GALNT13: variants seen among roughly 807,000 people sequenced by gnomAD.
GALNT13 encodes UDP-GalNAc:polypeptide N-acetylgalactosaminyltransferase 13.
GALNT13 carries 28 observed loss-of-function variants against 64.2 expected under a neutral mutation model. The ratio of observed to expected loss-of-function variants is 0.44; its 90% CI spans 0.32 to 0.60. The LOEUF is 0.60. Among genes scored for constraint, GALNT13 ranks in the 20% least tolerant of loss-of-function variants. The pLI, the probability that GALNT13 is intolerant of heterozygous loss-of-function variation, is 0.05. For synonymous variants in GALNT13, 214 were observed against 224.6 expected (o/e 0.95, Z 0.42); for missense variants, 577 against 669.8 (o/e 0.86, Z 1.53).
chr2:154,160,281 C>T (rs764508438), intron 4 of GALNT13, among the ~76,000 whole-genome samples: 39 of 152,072 alleles, frequency 2.6e-4, no homozygotes, highest in Non-Finnish European at 5.6e-4. Flanking sequence ...CTGTAAAATT[C>T]CCAGCAGACC....
the GALNT13 span, among the ~76,000 whole-genome samples, chr2:153,289,519 G>T: frequency 6.6e-6 from 1 of 152,184 alleles, no homozygotes; most frequent in African/African-American, 2.4e-5. Flanking sequence ...CAGAGCTAAT[G>T]TTCCTTTCAC....
rs184890191 is a variant in GALNT13 at position 154,412,343 on chromosome 2, C to T, written c.1395+3261C>T. Among the ~76,000 whole-genome samples, 389 of 151,736 alleles carry T rather than the reference C, an allele frequency of 2.6e-3. 1 individual carries two copies. Among genetic ancestry groups the T allele is most frequent in the Non-Finnish European group, 3.8e-3 (260 of 67,698 alleles). On this transcript the variant is annotated intron_variant, in intron 11 of 12. Coordinates refer to ENST00000392825, the MANE Select transcript of GALNT13 (RefSeq NM_052917.4). ...AAAAAACAGATTTTAGAATTTTATTCTCAGAATTACCCTCCCTGGTTTTAT... is the reference window on the plus strand; with the variant it reads ...AAAAAACAGATTTTAGAATTTTATTTTCAGAATTACCCTCCCTGGTTTTAT...
chr2:153,456,805 G>A, the GALNT13 span, among the ~76,000 whole-genome samples: 6 of 152,174 alleles, frequency 3.9e-5, no homozygotes, highest in Non-Finnish European at 5.9e-5. Flanking sequence ...AGGCTATCTC[G>A]CCTCAGAGCC....
the GALNT13 span, among the ~76,000 whole-genome samples, chr2:153,261,304 A>T: frequency 1.7e-4 from 26 of 152,188 alleles, no homozygotes; most frequent in South Asian, 5.0e-3. Context: ...TTAGGTATTT[A>T]TTGTAGTATT....
At chr2:153,677,784 G>T in the GALNT13 span, among the ~76,000 whole-genome samples, 1 of 152,044 alleles carries the variant, frequency 6.6e-6, no homozygotes, top group Non-Finnish European at 1.5e-5. Flanking sequence ...AATGGGGAAA[G>T]GACTTCCTAT....
At chr2:153,124,555 G>A in the GALNT13 span, among the ~76,000 whole-genome samples, 57 of 152,292 alleles carry the variant, frequency 3.7e-4, no homozygotes, top group South Asian at 8.3e-4. Flanking sequence ...CACCAGGCTG[G>A]AGTGCAGTGG....
chr2:154,437,335 C>G (rs1701029918), intron 11 of GALNT13: 1 of 239,332 alleles, frequency 4.2e-6, no homozygotes, highest in South Asian at 4.2e-5. Context: ...AGAGGCAACT[C>G]TTCCAAGACT....
intron 4 of GALNT13, among the ~76,000 whole-genome samples, chr2:154,148,932 T>G (rs1043565887): frequency 1.8e-4 from 28 of 152,218 alleles, no homozygotes; most frequent in Non-Finnish European, 3.5e-4. Context: ...TTGAGTTTAA[T>G]TAGATACCAT....
At chr2:153,271,170 A>G in the GALNT13 span, among the ~76,000 whole-genome samples, 2 of 152,228 alleles carry the variant, frequency 1.3e-5, no homozygotes, top group African/African-American at 4.8e-5. Context: ...ATCATACTGA[A>G]TGGGCAAAAG....
At chr2:154,354,619 T>TTC (rs1553518774) in intron 9 of GALNT13, among the ~76,000 whole-genome samples, 52,268 of 144,542 alleles carry the variant, frequency 0.36, 9,802 homozygotes, top group Middle Eastern at 0.42. Flanking sequence ...CAATCTCACT[T>TTC]TTTTTTTTTT....
chr2:153,135,238 C>T, the GALNT13 span, among the ~76,000 whole-genome samples: 4 of 152,102 alleles, frequency 2.6e-5, no homozygotes, highest in Admixed American at 2.0e-4. Flanking sequence ...TGTATTAGGG[C>T]TCTACCCTTA....
At chr2:153,822,825 A>C in the GALNT13 span, among the ~76,000 whole-genome samples, 2 of 152,234 alleles carry the variant, frequency 1.3e-5, no homozygotes, top group African/African-American at 4.8e-5. Flanking sequence ...GGAAACAAGA[A>C]GTCAAATTAT....
At chr2:153,313,554 G>A in the GALNT13 span, among the ~76,000 whole-genome samples, 4 of 152,138 alleles carry the variant, frequency 2.6e-5, no homozygotes, top group East Asian at 1.9e-4. Context: ...AGAGGGTGGC[G>A]GGGTGGGAGA....
the GALNT13 span, among the ~76,000 whole-genome samples, chr2:153,475,628 C>A: frequency 1.5e-3 from 227 of 152,214 alleles, no homozygotes; most frequent in African/African-American, 5.2e-3. Flanking sequence ...TAGGTTTGAC[C>A]CCTCCTTCAG....
intron 3 of GALNT13, among the ~76,000 whole-genome samples, chr2:153,968,099 G>C (rs143990169): frequency 7.9e-4 from 120 of 152,162 alleles, no homozygotes; most frequent in African/African-American, 2.6e-3. Flanking sequence ...GTGTTGCTCT[G>C]GTCCGTACCC....
At chr2:153,147,073 T>C in the GALNT13 span, among the ~76,000 whole-genome samples, 3 of 151,774 alleles carry the variant, frequency 2.0e-5, no homozygotes, top group Non-Finnish European at 4.4e-5. Context: ...ATTTTATAGG[T>C]GAGGAACTGA....
intron 4 of GALNT13, among the ~76,000 whole-genome samples, chr2:154,164,260 G>C (rs1050398885): frequency 6.6e-6 from 1 of 152,014 alleles, no homozygotes; most frequent in Admixed American, 6.6e-5. Flanking sequence ...CTGGTAATAG[G>C]GGTAAATTAC....
At chr2:153,366,127 A>G in the GALNT13 span, among the ~76,000 whole-genome samples, 2 of 152,180 alleles carry the variant, frequency 1.3e-5, no homozygotes, top group African/African-American at 4.8e-5. Context: ...CATCCTCAGC[A>G]AGCTAACAAA....
chr2:153,177,357 G>A, the GALNT13 span, among the ~76,000 whole-genome samples: 1 of 152,024 alleles, frequency 6.6e-6, no homozygotes, highest in African/African-American at 2.4e-5. Flanking sequence ...GAAAAACAAT[G>A]CTTGATTCCC....
Sources: gnomAD v4.1 joint callset for allele counts (sites outside exome capture counted in the v4.1 genomes callset) on GRCh38, gnomAD v4.1.1 for gene constraint, MANE v1.5 for transcripts, NCBI Gene and HGNC (gene_info 2026-07-23, HGNC 2026-07-21) for gene names.